FBXW7: variants seen among roughly 807,000 people sequenced by gnomAD.
FBXW7 encodes F-box/WD repeat-containing protein 7.
Under a neutral mutation model 86.3 loss-of-function variants are expected in FBXW7, and 11 were observed. That is an observed-to-expected ratio of 0.13 (90% CI 0.08 to 0.21). FBXW7 has a LOEUF of 0.21. Among genes scored for constraint, FBXW7 ranks in the 10% least tolerant of loss-of-function variants. FBXW7 has a pLI of 1.00. For missense variants in FBXW7, 488 were observed against 847.4 expected (o/e 0.58, Z 5.27); for synonymous variants, 313 against 297.9 (o/e 1.05, Z -0.52).
At chr4:152,491,831 T>C (rs1307937410) in intron 2 of FBXW7, among the ~76,000 whole-genome samples, 3 of 152,224 alleles carry the variant, frequency 2.0e-5, no homozygotes, top group Non-Finnish European at 4.4e-5. Flanking sequence ...TCTTCTTTCA[T>C]CTACACCTCC....
intron 2 of FBXW7, among the ~76,000 whole-genome samples, chr4:152,425,545 C>T (rs375438257): frequency 1.3e-5 from 2 of 151,182 alleles, no homozygotes. Context: ...CAAACAGATA[C>T]TATGAAAAAC....
intron 4 of FBXW7, among the ~76,000 whole-genome samples, chr4:152,374,419 G>A (rs1398117061): frequency 6.6e-6 from 1 of 151,946 alleles, no homozygotes; most frequent in Admixed American, 6.6e-5. Flanking sequence ...CTGTATCTGA[G>A]TTTCGTTAAA....
At position 152,389,767 on chromosome 4, in the gene FBXW7, G is replaced by C. The variant is rs1414245668; in HGVS notation, c.501+21536C>G. ...CCCCTTAAATTTATACCAAAAAAAA[G>C]CATATTACAGCTCTAATAATATTAC... On this transcript the variant is annotated intron_variant, in intron 4 of 13. Coordinates refer to ENST00000281708, the MANE Select transcript of FBXW7 (RefSeq NM_001349798.2). Among the ~76,000 whole-genome samples the C allele has an allele frequency of 5.3e-5, 8 of 151,834 alleles. 1 individual carries two copies. In the South Asian group the frequency reaches 1.7e-3, roughly 32 times the overall value.
intron 2 of FBXW7, among the ~76,000 whole-genome samples, chr4:152,417,813 A>G (rs1484945735): frequency 6.6e-6 from 1 of 152,068 alleles, no homozygotes; most frequent in Non-Finnish European, 1.5e-5. Flanking sequence ...CTTGGAATCC[A>G]TGGCAACCAC....
At chr4:152,447,749 C>T (rs770130831) in intron 2 of FBXW7, among the ~76,000 whole-genome samples, 2 of 151,942 alleles carry the variant, frequency 1.3e-5, no homozygotes, top group Non-Finnish European at 2.9e-5. Flanking sequence ...AAGTAAAAGA[C>T]CAAAAAAGGA....
intron 2 of FBXW7, among the ~76,000 whole-genome samples, chr4:152,510,807 A>G (rs1463968043): frequency 6.6e-6 from 1 of 152,202 alleles, no homozygotes; most frequent in East Asian, 1.9e-4. Flanking sequence ...TTTTGCTTTC[A>G]TTTTTAAATT....
chr4:152,457,217 C>G (rs1431534692), intron 2 of FBXW7, among the ~76,000 whole-genome samples: 1 of 152,086 alleles, frequency 6.6e-6, no homozygotes, highest in Non-Finnish European at 1.5e-5. Context: ...CAGTGGTTGC[C>G]TGCGAAGTGG....
chr4:152,347,477 ATTAAAGCTT>A (rs1411707653), intron 5 of FBXW7, among the ~76,000 whole-genome samples: 2 of 152,188 alleles, frequency 1.3e-5, no homozygotes, highest in Non-Finnish European at 2.9e-5. Flanking sequence ...GTGATACTTT[ATTAAAGCTT>A]TAAAAAACTC....
chr4:152,435,731 T>C (rs1001772057), intron 2 of FBXW7, among the ~76,000 whole-genome samples: 12 of 152,218 alleles, frequency 7.9e-5, no homozygotes, highest in African/African-American at 2.9e-4. Context: ...ACTTCACAAA[T>C]AGTATATTTT....
At chr4:152,417,233 C>T (rs942105721) in intron 2 of FBXW7, among the ~76,000 whole-genome samples, 2 of 152,166 alleles carry the variant, frequency 1.3e-5, no homozygotes, top group Non-Finnish European at 2.9e-5. Flanking sequence ...ATTATTTTAA[C>T]ATCCAAACTT....
At chr4:152,334,732 A>C (rs1729901743) in intron 7 of FBXW7, among the ~76,000 whole-genome samples, 1 of 152,170 alleles carries the variant, frequency 6.6e-6, no homozygotes, top group African/African-American at 2.4e-5. Context: ...GAGAAATATA[A>C]AGAAATACTA....
intron 2 of FBXW7, among the ~76,000 whole-genome samples, chr4:152,454,260 C>CA (rs906909485): frequency 9.9e-5 from 13 of 131,424 alleles, no homozygotes; most frequent in African/African-American, 2.5e-4. Context: ...AGCCCCCCCC[C>CA]CCTTTTTTTT....
intron 2 of FBXW7, among the ~76,000 whole-genome samples, chr4:152,475,886 C>T (rs1744351968): frequency 6.6e-6 from 1 of 152,180 alleles, no homozygotes; most frequent in Middle Eastern, 3.4e-3. Context: ...GATTGGAAGG[C>T]TCAATATTGG....
In FBXW7 at chr4:152,384,534, GAGTT is replaced by G. The variant is rs140704046; in HGVS notation, c.501+26765_501+26768del. ...CTGAGACAGGGAGAGGGGGAAATGA[GAGTT>G]AGTGTTTAGTTGGCACAGAGTTTCA... is the stretch of plus-strand genomic sequence containing the variant. On this transcript the variant is annotated intron_variant, in intron 4 of 13. Coordinates refer to ENST00000281708, the MANE Select transcript of FBXW7 (RefSeq NM_001349798.2). 1.2e-3 allele frequency among the ~76,000 whole-genome samples: 184 copies of G among 152,100 alleles called. 7 individuals carry two copies. In the East Asian group the frequency reaches 0.034, roughly 28 times the overall value.
At chr4:152,352,098 G>C (rs1168265403) in intron 4 of FBXW7, among the ~76,000 whole-genome samples, 2 of 151,912 alleles carry the variant, frequency 1.3e-5, no homozygotes, top group Non-Finnish European at 2.9e-5. Flanking sequence ...CTTTTAAAGA[G>C]TCAACTAATG....
At chr4:152,409,138 G>A (rs188578627) in intron 4 of FBXW7, among the ~76,000 whole-genome samples, 38 of 152,304 alleles carry the variant, frequency 2.5e-4, no homozygotes, top group Non-Finnish European at 2.9e-5. Flanking sequence ...ATTTAGGGAT[G>A]ATGGGTAAAA....
intron 4 of FBXW7, among the ~76,000 whole-genome samples, chr4:152,375,125 C>G (rs573743868): frequency 6.6e-6 from 1 of 151,750 alleles, no homozygotes; most frequent in South Asian, 2.1e-4. Flanking sequence ...GGCTAAATGA[C>G]AAAGCTATGA....
chr4:152,522,972 C>G (rs1749160644), intron 2 of FBXW7, among the ~76,000 whole-genome samples: 2 of 152,192 alleles, frequency 1.3e-5, no homozygotes, highest in Admixed American at 1.3e-4. Context: ...TCATCTGACA[C>G]TTGAAAAGTA....
intron 11 of FBXW7, among the ~76,000 whole-genome samples, chr4:152,327,793 G>C (rs35311955): frequency 0.11 from 16,805 of 151,976 alleles, 1,357 homozygotes; most frequent in East Asian, 0.28. Context: ...CCTAGACTTA[G>C]AGATAGGGTG....
Sources: allele counts gnomAD v4.1 joint callset (sites outside exome capture counted in the v4.1 genomes callset), GRCh38; gene constraint gnomAD v4.1.1; transcripts MANE v1.5; gene names NCBI Gene and HGNC (gene_info 2026-07-23, HGNC 2026-07-21).